Variants in TMEM9 observed in about 807,000 individuals in gnomAD.
TMEM9 encodes proton-transporting V-type ATPase complex assembly regulator TMEM9.
In TMEM9, 13 loss-of-function variants were observed where a neutral mutation model predicts 22.8. That is an observed-to-expected ratio of 0.57 (90% CI 0.37 to 0.91). TMEM9 has a LOEUF of 0.91. TMEM9 is among the 40% of genes least tolerant of loss of function. TMEM9 has a pLI of 0.01. For missense variants in TMEM9, 182 were observed against 238.1 expected (o/e 0.76, Z 1.55); for synonymous variants, 88 against 93.0 (o/e 0.95, Z 0.31).
chr1:201,158,864 G>A (rs1665873593), upstream of TMEM9, among the ~76,000 whole-genome samples: 1 of 152,132 alleles, frequency 6.6e-6, no homozygotes, highest in African/African-American at 2.4e-5. Context: ...CGAGGTCTTG[G>A]CATCCGTGCC....
At chr1:201,136,022 G>T (rs942887905) in intron 4 of TMEM9, among the ~76,000 whole-genome samples, 6 of 152,196 alleles carry the variant, frequency 3.9e-5, no homozygotes, top group African/African-American at 1.4e-4. Flanking sequence ...GGAAGCCTTA[G>T]TGTCTGTAGC....
intron 4 of TMEM9, among the ~76,000 whole-genome samples, chr1:201,136,580 G>A (rs754924): frequency 0.28 from 42,461 of 151,990 alleles, 6,925 homozygotes; most frequent in East Asian, 0.46. Flanking sequence ...TGATAGCTGA[G>A]GACAGCTCAG....
intron 2 of TMEM9, among the ~76,000 whole-genome samples, chr1:201,150,218 A>G (rs1665312111): frequency 6.6e-6 from 1 of 152,210 alleles, no homozygotes; most frequent in Non-Finnish European, 1.5e-5. Flanking sequence ...TACTGATGCT[A>G]TTTGAACTAT....
In TMEM9 at chr1:201,165,150, T is replaced by TTATATATATATATATATATATATA. The variant is rs57281429; in HGVS notation, c.-37+6316_-37+6339dup. 6.7e-3 allele frequency among the ~76,000 whole-genome samples: 577 copies of TTATATATATATATATATATATATA among 86,716 alleles called. 23 individuals carry two copies. Among genetic ancestry groups the TTATATATATATATATATATATATA allele is most frequent in the Non-Finnish European group, 9.9e-3 (386 of 38,920 alleles). The allele number at this position is 86,716 out of a possible 152,430, so 56.9% of individuals were successfully genotyped here. A position where few individuals can be genotyped will look rare whatever the true frequency, so the allele number is the denominator to read the frequency against. ...CATTTTATCACTTTTTAAGAGAAAA[T>TTATATATATATATATATATATATA]TATATATATATATATATATATATAT... On this transcript the variant is annotated intron_variant, in intron 1 of 5. Transcript: ENST00000367333.
chr1:201,148,006 G>A lies in TMEM9; in HGVS notation c.159-1158C>T, dbSNP rs931547518. Among the ~76,000 whole-genome samples the A allele has an allele frequency of 4.6e-5, 7 of 152,162 alleles. No individual in the cohort carries two copies. The South Asian group carries it at 1.0e-3, about 23-fold the overall frequency. The stretch of plus-strand genomic sequence containing the variant: ...CGTGCTGTCTCCCCAGGAGATGTAC[G>A]TTCCTTGAACACAGGGTTATGTCTT... On this transcript the variant is annotated intron_variant, in intron 2 of 4. Coordinates refer to ENST00000367330, the MANE Select transcript of TMEM9 (RefSeq NM_001288565.2).
intron 4 of TMEM9, among the ~76,000 whole-genome samples, chr1:201,139,298 G>T (rs1215414539): frequency 6.6e-6 from 1 of 152,200 alleles, no homozygotes; most frequent in African/African-American, 2.4e-5. Flanking sequence ...CAGCCACTCA[G>T]CAAAGCATGG....
At chr1:201,136,050 CCTGCCCCTCCCTGGGGCCT>C (rs532123407) in intron 4 of TMEM9, among the ~76,000 whole-genome samples, 1 of 152,276 alleles carries the variant, frequency 6.6e-6, no homozygotes, top group South Asian at 2.1e-4. Flanking sequence ...GGATGGGGCC[CCTGCCCCTCCCTGGGGCCT>C]GGGAAAGGAA....
At chr1:201,148,171 C>T (rs772323217) in intron 2 of TMEM9, among the ~76,000 whole-genome samples, 14 of 152,196 alleles carry the variant, frequency 9.2e-5, no homozygotes, top group African/African-American at 1.7e-4. Flanking sequence ...ATAGGTTCCA[C>T]ATCTAAAAAC....
At chr1:201,164,497 T>C (rs923346280) in intron 1 of TMEM9, among the ~76,000 whole-genome samples, 14 of 152,218 alleles carry the variant, frequency 9.2e-5, no homozygotes, top group African/African-American at 2.9e-4. Flanking sequence ...ATTATTAAGC[T>C]GAGCCATATA....
At chr1:201,136,728 A>T (rs1664025228) in intron 4 of TMEM9, among the ~76,000 whole-genome samples, 1 of 152,104 alleles carries the variant, frequency 6.6e-6, no homozygotes, top group Non-Finnish European at 1.5e-5. Flanking sequence ...CAGGACCTGA[A>T]CCTGATCTTT....
intron 2 of TMEM9, among the ~76,000 whole-genome samples, chr1:201,149,253 T>G (rs529074546): frequency 4.7e-4 from 72 of 152,328 alleles, no homozygotes; most frequent in African/African-American, 1.6e-3. Flanking sequence ...AAATGGAGAC[T>G]GAACTTGGTC....
intron 4 of TMEM9, among the ~76,000 whole-genome samples, chr1:201,142,582 ACT>A (rs1336257960): frequency 1.3e-5 from 2 of 152,086 alleles, no homozygotes; most frequent in Non-Finnish European, 1.5e-5. Context: ...AAGCTAAATG[ACT>A]CTCAGTTTCT....
chr1:201,163,777 G>A (rs1666006528), intron 1 of TMEM9, among the ~76,000 whole-genome samples: 1 of 152,142 alleles, frequency 6.6e-6, no homozygotes, highest in East Asian at 1.9e-4. Context: ...CATTGCTGGT[G>A]GGGATAGAAA....
chr1:201,143,502 A>G (rs1310827769), intron 4 of TMEM9, among the ~76,000 whole-genome samples: 1 of 152,100 alleles, frequency 6.6e-6, no homozygotes, highest in Non-Finnish European at 1.5e-5. Flanking sequence ...GTCTGAGCAC[A>G]CGGGGGATAT....
intron 1 of TMEM9, among the ~76,000 whole-genome samples, chr1:201,165,435 TTTTC>T (rs150724181): frequency 4.0e-5 from 6 of 148,808 alleles, no homozygotes; most frequent in Admixed American, 1.3e-4. Flanking sequence ...TTAATTTTCT[TTTTC>T]TTTCTTTTTT....
chr1:201,150,876 T>C (rs1665370415), intron 2 of TMEM9, among the ~76,000 whole-genome samples: 1 of 152,158 alleles, frequency 6.6e-6, no homozygotes, highest in South Asian at 2.1e-4. Flanking sequence ...GGACCTCTCA[T>C]CTGATGTTGA....
chr1:201,146,227 AGGT>A (rs200111793), intron 3 of TMEM9, among the ~76,000 whole-genome samples: 2 of 152,208 alleles, frequency 1.3e-5, no homozygotes, highest in South Asian at 2.1e-4. Context: ...ATCAATGAGA[AGGT>A]GGTTCAGGAA....
At position 201,153,883 on chromosome 1, in the gene TMEM9, AG is replaced by A; in HGVS notation, c.40del (p.Leu14TrpfsTer96). On this transcript the variant is annotated frameshift_variant, in exon 1 of 5. Coordinates refer to ENST00000367330, the MANE Select transcript of TMEM9 (RefSeq NM_001288565.2). LOFTEE classifies it high-confidence loss of function. ...LSLVAVVGCL[L>X]VPPAEANKSS... ...CTTGTTGGCTTCAGCTGGGGGCACC[AG>A]CAAACACCCGACCACAGCCACCAAA... is the stretch of plus-strand genomic sequence containing the variant. The A allele has an allele frequency of 6.2e-7, 1 of 1,614,138 alleles. No individual in the cohort carries two copies. The highest frequency in any genetic ancestry group is 8.5e-7 in the Non-Finnish European group (1 of 1,179,994).
At chr1:201,160,004 T>C (rs190277826) in intron 1 of TMEM9, among the ~76,000 whole-genome samples, 5 of 152,354 alleles carry the variant, frequency 3.3e-5, no homozygotes, top group Non-Finnish European at 5.9e-5. Flanking sequence ...CTTTTGGGTG[T>C]AGACCTCATG....
Sources: allele counts gnomAD v4.1 joint callset (sites outside exome capture counted in the v4.1 genomes callset), GRCh38; gene constraint gnomAD v4.1.1; transcripts MANE v1.5; gene names NCBI Gene and HGNC (gene_info 2026-07-23, HGNC 2026-07-21).